The following ITGBL1 variants were observed in gnomAD, a reference collection of about 807,000 sequenced individuals.
ITGBL1 encodes integrin subunit beta like 1.
In ITGBL1, 51 loss-of-function variants were observed where a neutral mutation model predicts 68.5. That is an observed-to-expected ratio of 0.74 (90% CI 0.59 to 0.94). The LOEUF (loss-of-function observed/expected upper bound fraction) is 0.94. Among genes scored for constraint, ITGBL1 ranks in the 40% least tolerant of loss-of-function variants. The probability of loss-of-function intolerance (pLI) is 0.00; values close to 1 mark genes in which losing one functional copy is unlikely to be tolerated. For synonymous variants in ITGBL1, 209 were observed against 227.3 expected (o/e 0.92, Z 0.72); for missense variants, 649 against 647.4 (o/e 1.00, Z -0.03).
At chr13:101,591,651 T>C (rs1472783505) in intron 6 of ITGBL1, among the ~76,000 whole-genome samples, 6 of 152,232 alleles carry the variant, frequency 3.9e-5, no homozygotes, top group African/African-American at 1.4e-4. Flanking sequence ...GGAATATTAG[T>C]AAAATGGTCT....
chr13:101,605,422 A>G (rs908989858), intron 7 of ITGBL1, among the ~76,000 whole-genome samples: 4 of 97,618 alleles, frequency 4.1e-5, no homozygotes, highest in South Asian at 3.2e-4. Context: ...ATATATACAC[A>G]TATATAGACA....
intron 7 of ITGBL1, among the ~76,000 whole-genome samples, chr13:101,683,050 G>T (rs918799274): frequency 2.6e-5 from 4 of 151,920 alleles, no homozygotes; most frequent in African/African-American, 9.7e-5. Context: ...CATATTTTTT[G>T]AATAATCCAT....
At chr13:101,638,710 C>T (rs2032259594) in intron 7 of ITGBL1, among the ~76,000 whole-genome samples, 1 of 152,128 alleles carries the variant, frequency 6.6e-6, no homozygotes. Flanking sequence ...AAACCACCCC[C>T]ATGATTCAAT....
chr13:101,662,016 C>T (rs1334458703), intron 7 of ITGBL1, among the ~76,000 whole-genome samples: 3 of 152,158 alleles, frequency 2.0e-5, no homozygotes, highest in South Asian at 2.1e-4. Context: ...CCTCCAACAT[C>T]GCTTTTTATG....
intron 2 of ITGBL1, among the ~76,000 whole-genome samples, chr13:101,543,034 A>T (rs2049740675): frequency 6.6e-6 from 1 of 152,168 alleles, no homozygotes; most frequent in Non-Finnish European, 1.5e-5. Flanking sequence ...GTGTCTTTTA[A>T]TTGGAGCATT....
intron 2 of ITGBL1, among the ~76,000 whole-genome samples, chr13:101,508,376 A>G (rs556540832): frequency 6.6e-6 from 1 of 152,254 alleles, no homozygotes; most frequent in African/African-American, 2.4e-5. Context: ...ATATTTGTCT[A>G]CGTTTCTGAT....
At chr13:101,642,132 C>T (rs374175812) in intron 7 of ITGBL1, among the ~76,000 whole-genome samples, 14 of 151,464 alleles carry the variant, frequency 9.2e-5, no homozygotes, top group Non-Finnish European at 1.6e-4. Flanking sequence ...CCTGAGGAAT[C>T]GCCACACTGA....
intron 7 of ITGBL1, among the ~76,000 whole-genome samples, chr13:101,608,447 T>A (rs2030977574): frequency 1.3e-5 from 2 of 151,984 alleles, no homozygotes; most frequent in African/African-American, 2.4e-5. Flanking sequence ...ACCTTTCTTA[T>A]TCATGTTTAC....
chr13:101,481,834 G>T (rs9554789), intron 2 of ITGBL1, among the ~76,000 whole-genome samples: 13 of 151,890 alleles, frequency 8.6e-5, no homozygotes, highest in East Asian at 7.8e-4. Context: ...ATTCACGGTA[G>T]GCAAAGTGAT....
intron 2 of ITGBL1, among the ~76,000 whole-genome samples, chr13:101,457,255 T>G (rs1489825289): frequency 1.3e-5 from 2 of 152,120 alleles, no homozygotes; most frequent in African/African-American, 2.4e-5. Flanking sequence ...GGCCCAGTGT[T>G]TGTTGGGCAT....
At chr13:101,471,651 C>T (rs2048462419) in intron 2 of ITGBL1, among the ~76,000 whole-genome samples, 1 of 151,774 alleles carries the variant, frequency 6.6e-6, no homozygotes, top group African/African-American at 2.4e-5. Context: ...AGGCTGGCTG[C>T]ATTCTGCTGC....
intron 2 of ITGBL1, among the ~76,000 whole-genome samples, chr13:101,454,358 G>T (rs2048209848): frequency 6.7e-6 from 1 of 149,416 alleles, no homozygotes; most frequent in South Asian, 2.1e-4. Flanking sequence ...TTGTAATTAT[G>T]ATTTTTTAAA....
At chr13:101,661,519 T>C (rs773846567) in intron 7 of ITGBL1, among the ~76,000 whole-genome samples, 3 of 152,210 alleles carry the variant, frequency 2.0e-5, no homozygotes, top group Non-Finnish European at 2.9e-5. Flanking sequence ...TTGCTTCAGC[T>C]TATAGCTCTT....
chr13:101,580,611 C>T (rs1463641949), intron 5 of ITGBL1, among the ~76,000 whole-genome samples: 4 of 152,088 alleles, frequency 2.6e-5, no homozygotes, highest in African/African-American at 9.7e-5. Flanking sequence ...CACAACAGGC[C>T]CCAGTGTGTG....
chr13:101,600,445 AT>A (rs1242763049), intron 7 of ITGBL1, among the ~76,000 whole-genome samples: 31 of 152,262 alleles, frequency 2.0e-4, no homozygotes, highest in African/African-American at 7.2e-4. Flanking sequence ...CTCCTGCCTG[AT>A]TGCCCTGGCC....
intron 2 of ITGBL1, among the ~76,000 whole-genome samples, chr13:101,492,212 G>A (rs980531787): frequency 8.5e-5 from 13 of 152,286 alleles, no homozygotes; most frequent in African/African-American, 2.6e-4. Flanking sequence ...GGAAGACAGC[G>A]TGGTGATTCC....
chr13:101,485,616 C>T (rs1486158206), intron 2 of ITGBL1, among the ~76,000 whole-genome samples: 2 of 152,024 alleles, frequency 1.3e-5, no homozygotes, highest in Admixed American at 6.6e-5. Flanking sequence ...CACAGTGAAA[C>T]CCCGTCTCTA....
chr13:101,638,599 C>T (rs904166360), intron 7 of ITGBL1, among the ~76,000 whole-genome samples: 24 of 152,050 alleles, frequency 1.6e-4, no homozygotes, highest in African/African-American at 2.2e-4. Context: ...TCTCACATGG[C>T]GGGAGACAAG....
intron 6 of ITGBL1, among the ~76,000 whole-genome samples, chr13:101,587,353 G>A (rs2050574414): frequency 6.6e-6 from 1 of 152,094 alleles, no homozygotes; most frequent in South Asian, 2.1e-4. Flanking sequence ...GTTTGTGTAT[G>A]TTCATTTGCC....
Sources: allele counts gnomAD v4.1 joint callset (sites outside exome capture counted in the v4.1 genomes callset), GRCh38; gene constraint gnomAD v4.1.1; transcripts MANE v1.5; gene names NCBI Gene and HGNC (gene_info 2026-07-23, HGNC 2026-07-21).